Variants in CAPN1 observed in about 807,000 individuals in gnomAD.
CAPN1 encodes the protein calpain-1 catalytic subunit.
CAPN1 carries 77 observed loss-of-function variants against 105.2 expected under a neutral mutation model. The observed-to-expected ratio is 0.73, with a 90% CI of 0.61 to 0.88. The LOEUF (loss-of-function observed/expected upper bound fraction) is 0.88. Ranked by LOEUF, CAPN1 falls within the 40% of genes least tolerant of loss-of-function variation. CAPN1 has a pLI of 0.00. For synonymous variants in CAPN1, 355 were observed against 388.8 expected, an observed-to-expected ratio of 0.91 and a Z score of 1.02; for missense variants, 833 against 976.6, an observed-to-expected ratio of 0.85 and a Z score of 1.96.
chr11:65,205,659 C>T (rs1948945519), intron 11 of CAPN1, 51 bp from the exon 12 acceptor site: 10 of 1,602,110 alleles, frequency 6.2e-6, no homozygotes, highest in Admixed American at 3.3e-5. Flanking sequence ...CACTGTGACC[C>T]CGCCCTGGGA....
chr11:65,205,266 G>A (rs1269622070), intron 11 of CAPN1, among the ~76,000 whole-genome samples: 7 of 152,190 alleles, frequency 4.6e-5, no homozygotes, highest in Non-Finnish European at 1.0e-4. Context: ...TGTGCCAGTC[G>A]CTCTGGGATT....
At position 65,208,830 on chromosome 11, in the gene CAPN1, C is replaced by T. The variant is rs73480948; in HGVS notation, c.1730-493C>T. The T allele has an allele frequency of 0.016, 3,426 of 213,146 alleles. 126 individuals carry two copies. The highest frequency in any genetic ancestry group is 0.074 in the African/African-American group (3,202 of 43,530). The allele number at this position is 213,146 out of a possible 1,614,324, so 13.2% of individuals were successfully genotyped here. ...TAGTGCCAAAGAAAAGTCTACCTTT[C>T]CTCCCAGAGCCTCCTGGGCCAGGCT... On this transcript the variant is annotated intron_variant, in intron 16 of 21. Coordinates refer to ENST00000279247, the MANE Select transcript of CAPN1 (RefSeq NM_005186.4). The surrounding 1 kb of genome is among the most constrained non-coding windows in gnomAD (Gnocchi z 4.1).
Position 65,206,559 on chromosome 11 carries a change from A to T in CAPN1, c.1450A>T (p.Ser484Cys), listed in dbSNP as rs1443785039. 1 of 1,613,346 alleles carries T rather than the reference A, an allele frequency of 6.2e-7. No homozygotes were observed. The highest frequency in any genetic ancestry group is 2.2e-5 in the East Asian group (1 of 44,902). The change falls in exon 13 of 22, where the codon AGC (serine) becomes TGC (cysteine). Residue 484 changes from serine (S) to cysteine (C), a missense_variant. By Grantham distance (112) the Ser-to-Cys change is moderately radical (BLOSUM62 -1). Transcript: ENST00000279247. ...SEQFINLREV[S>C]TRFRLPPGEY... ...GCAGTTCATCAACCTGCGAGAGGTC[A>T]GCACCCGCTTCCGCCTGCCACCCGG... is the stretch of plus-strand genomic sequence containing the variant.
In CAPN1 at chr11:65,188,241, G is replaced by A. The variant is rs980390160; in HGVS notation, c.930-173G>A. 4 of 690,458 alleles carry A rather than the reference G, an allele frequency of 5.8e-6. No individual in the cohort carries two copies. The highest frequency in any genetic ancestry group is 9.7e-6 in the Non-Finnish European group (4 of 410,846). 42.8% of individuals were successfully genotyped at this position (690,458 alleles called of 1,614,324 possible). A position where few individuals can be genotyped will look rare whatever the true frequency, so the allele number is the denominator to read the frequency against. ...TGCCCAGCCGTCGGGTGTGTGCAGG[G>A]CATCAGACTGGCCCTGATGAGACCA... On this transcript the variant is annotated intron_variant, in intron 8 of 21. Coordinates refer to ENST00000279247, the MANE Select transcript of CAPN1 (RefSeq NM_005186.4). This position sits in a 1 kb window ranked among gnomAD's most constrained non-coding sequence, Gnocchi z 5.5.
rs201751778 is a variant in CAPN1 at position 65,183,171 on chromosome 11, G to T, written c.311G>T (p.Arg104Leu). Residue 104 changes from arginine to leucine, a missense_variant, in exon 3 of 22, where the codon CGC (arginine) becomes CTC (leucine). Physicochemically the swap from Arg to Leu is moderately radical, Grantham distance 102 (BLOSUM62 -2). Transcript: ENST00000279247. ...CAGTTCATTGTGGATGGAGCTACCC[G>T]CACAGACATCTGCCAGGGAGCACTG... ...NPQFIVDGAT[R>L]TDICQGALGD... is the part of the protein sequence containing the mutation. 1.9e-6 allele frequency: 3 copies of T among 1,613,870 alleles called. No individual in the cohort carries two copies. The highest frequency in any genetic ancestry group is 1.1e-5 in the South Asian group (1 of 91,086).
At chr11:65,196,656 A>G (rs2137354593) in intron 10 of CAPN1, among the ~76,000 whole-genome samples, 1 of 152,258 alleles carries the variant, frequency 6.6e-6, no homozygotes, top group Middle Eastern at 3.4e-3. Flanking sequence ...TCTCTCTTTT[A>G]ATATATGTAC....
At chr11:65,183,798 G>T (rs1948590127) in intron 4 of CAPN1, 1 of 566,154 alleles carries the variant, frequency 1.8e-6, no homozygotes, top group Non-Finnish European at 3.2e-6. Flanking sequence ...CTAGGTGGTT[G>T]TATGTATCAG....
chr11:65,210,744 G>A lies in CAPN1; in HGVS notation c.2060-70G>A. 2.4e-6 allele frequency: 3 copies of A among 1,270,108 alleles called. No homozygotes were observed. Among genetic ancestry groups the A allele is most frequent in the South Asian group, 1.2e-5 (1 of 83,886 alleles). The allele number at this position is 1,270,108 out of a possible 1,614,324, so 78.7% of individuals were successfully genotyped here. The stretch of plus-strand genomic sequence containing the variant: ...TAGAGAGGGACCAGGCAGGAAGGGG[G>A]CCAGGCCTGGCCCTGCGTGAATATC... On this transcript the variant is annotated intron_variant, in intron 20 of 21. Coordinates refer to ENST00000279247, the MANE Select transcript of CAPN1 (RefSeq NM_005186.4). The surrounding 1 kb of genome is among the most constrained non-coding windows in gnomAD (Gnocchi z 4.3).
chr11:65,204,914 C>T, intron 11 of CAPN1, 56 bp downstream of exon 11: 12 of 1,502,678 alleles, frequency 8.0e-6, no homozygotes, highest in Non-Finnish European at 1.1e-5. Flanking sequence ...ACCTGGCGCC[C>T]CCGACCCGCA....
At chr11:65,193,230 C>T (rs1246373638) in intron 10 of CAPN1, among the ~76,000 whole-genome samples, 1 of 146,364 alleles carries the variant, frequency 6.8e-6, no homozygotes, top group Non-Finnish European at 1.5e-5. Context: ...CCTCCTGCCT[C>T]GGCCTCCCAA....
At chr11:65,200,669 C>T (rs1004603396) in intron 10 of CAPN1, among the ~76,000 whole-genome samples, 2 of 151,972 alleles carry the variant, frequency 1.3e-5, no homozygotes, top group Non-Finnish European at 2.9e-5. Flanking sequence ...GAGACAGTGT[C>T]TCATTCTGTC....
chr11:65,183,212 C>A lies in CAPN1; in HGVS notation c.337+15C>A. The A allele has an allele frequency of 6.2e-7, 1 of 1,612,186 alleles. No individual in the cohort carries two copies. Among genetic ancestry groups the A allele is most frequent in the South Asian group, 1.1e-5 (1 of 91,046 alleles). On this transcript the variant is annotated intron_variant, in intron 3 of 21. Coordinates refer to ENST00000279247, the MANE Select transcript of CAPN1 (RefSeq NM_005186.4). Reference sequence around the variant, plus strand: ...GGGAGCACTGGGTAGGCCCCCAGGGCGTCGGGTCCCGGGTATTTTTTCCAC... The same window carrying A: ...GGGAGCACTGGGTAGGCCCCCAGGGAGTCGGGTCCCGGGTATTTTTTCCAC...
Position 65,183,549 on chromosome 11 carries a change from G to T in CAPN1, c.413G>T (p.Gly138Val). The T allele has an allele frequency of 6.2e-7, 1 of 1,613,894 alleles. No individual in the cohort carries two copies. Among genetic ancestry groups the T allele is most frequent in the South Asian group, 1.1e-5 (1 of 91,082 alleles). ...DTLLHRVVPH[G>V]QSFQNGYAGI... ...CTCCTGCACCGAGTGGTTCCGCACG[G>T]CCAGAGCTTCCAGAATGGCTATGCC... Residue 138 changes from glycine (G) to valine (V), a missense_variant, in exon 4 of 22, where the codon GGC becomes GTC. Physicochemically the swap from Gly to Val is moderately radical, Grantham distance 109. Transcript: ENST00000279247.
chr11:65,211,448 A>G lies in CAPN1; in HGVS notation c.*162A>G. 1.4e-6 allele frequency: 1 copy of G among 696,800 alleles called. No homozygotes were observed. Among genetic ancestry groups the G allele is most frequent in the Admixed American group, 2.1e-5 (1 of 48,376 alleles). The allele number at this position is 696,800 out of a possible 1,614,324, so 43.2% of individuals were successfully genotyped here. On this transcript the variant is annotated 3_prime_UTR_variant, in exon 22 of 22. Coordinates refer to ENST00000279247, the MANE Select transcript of CAPN1 (RefSeq NM_005186.4). ...CCTCTCCTCCCAGCCACCATCGTTCATCTGCTCCGGGCAGAACTGTGTGGC... is the reference window on the plus strand; with the variant it reads ...CCTCTCCTCCCAGCCACCATCGTTCGTCTGCTCCGGGCAGAACTGTGTGGC...
Position 65,183,167 on chromosome 11 carries a change from A to G in CAPN1, c.307A>G (p.Thr103Ala), listed in dbSNP as rs17885718. The change falls in exon 3 of 22, where the codon ACC (threonine) becomes GCC (alanine). Residue 103 changes from threonine (T) to alanine (A), a missense_variant. Thr to Ala is a moderately conservative substitution (Grantham distance 58). Transcript: ENST00000279247. ...CCCCCAGTTCATTGTGGATGGAGCT[A>G]CCCGCACAGACATCTGCCAGGGAGC... ...SNPQFIVDGA[T>A]RTDICQGALG... is the part of the protein sequence containing the mutation. The G allele has an allele frequency of 1.1e-3, 1,781 of 1,613,828 alleles. 16 individuals carry two copies. In the African/African-American group the frequency reaches 0.019, roughly 17 times the overall value.
rs748748613 is a variant in CAPN1 at position 65,186,153 on chromosome 11, C to T, written c.591-17C>T. The T allele has an allele frequency of 1.2e-6, 2 of 1,611,010 alleles. No individual in the cohort carries two copies. The highest frequency in any genetic ancestry group is 1.7e-6 in the Non-Finnish European group (2 of 1,178,444). ...GTCCTGCTTGATGCCAGAGTGCTGACCTGGAGCTGCCCACAGGGTAAATGG... is the reference window on the plus strand; with the variant it reads ...GTCCTGCTTGATGCCAGAGTGCTGATCTGGAGCTGCCCACAGGGTAAATGG... On this transcript the variant is annotated splice_polypyrimidine_tract_variant and intron_variant, in intron 5 of 21. Coordinates refer to ENST00000279247, the MANE Select transcript of CAPN1 (RefSeq NM_005186.4).
intron 10 of CAPN1, among the ~76,000 whole-genome samples, chr11:65,201,096 C>T (rs1362187425): frequency 6.6e-6 from 1 of 151,660 alleles, no homozygotes; most frequent in Non-Finnish European, 1.5e-5. Flanking sequence ...AGGTGCCCAC[C>T]ACCACGCCCG....
At chr11:65,190,746 T>A in intron 10 of CAPN1, among the ~76,000 whole-genome samples, 1 of 151,098 alleles carries the variant, frequency 6.6e-6, no homozygotes, top group Non-Finnish European at 1.5e-5. Flanking sequence ...GGAGTCTTGC[T>A]CTGTTGCCCA....
intron 10 of CAPN1, among the ~76,000 whole-genome samples, chr11:65,202,014 T>C (rs1357194312): frequency 6.6e-6 from 1 of 150,750 alleles, no homozygotes; most frequent in Non-Finnish European, 1.5e-5. Flanking sequence ...CAGTAGAGAA[T>C]GGGTTTTACC....
Sources: gnomAD v4.1 joint callset for allele counts (sites outside exome capture counted in the v4.1 genomes callset) on GRCh38, gnomAD v4.1.1 for gene constraint, Gnocchi (gnomAD v3.1) non-coding constraint, MANE v1.5 for transcripts, NCBI Gene and HGNC (gene_info 2026-07-23, HGNC 2026-07-21) for gene names.